Variants in PDE9A observed in about 807,000 individuals in gnomAD.
PDE9A encodes the protein phosphodiesterase 9A.
PDE9A carries 60 observed loss-of-function variants against 87.4 expected under a neutral mutation model. The ratio of observed to expected loss-of-function variants is 0.69; its 90% CI spans 0.56 to 0.85. The LOEUF (loss-of-function observed/expected upper bound fraction) is 0.85. Among genes scored for constraint, PDE9A ranks in the 40% least tolerant of loss-of-function variants. The pLI is 0.00. For synonymous variants in PDE9A, 272 were observed against 279.4 expected, an observed-to-expected ratio of 0.97 and a Z score of 0.27; for missense variants, 665 against 779.0, an observed-to-expected ratio of 0.85 and a Z score of 1.74.
intron 7 of PDE9A, among the ~76,000 whole-genome samples, chr21:42,742,784 G>T (rs954561118): frequency 6.6e-6 from 1 of 151,978 alleles, no homozygotes; most frequent in Non-Finnish European, 1.5e-5. Context: ...TTCTTGCACT[G>T]AGTCAGTTCC....
At chr21:42,762,008 G>T (rs2055833990) in intron 13 of PDE9A, 75 bp from the exon 14 acceptor site, 1 of 1,426,798 alleles carries the variant, frequency 7.0e-7, no homozygotes, top group Admixed American at 1.8e-5. Context: ...CACTTACATG[G>T]CTGGGTGTTG....
chr21:42,703,708 C>T (rs914663839), intron 4 of PDE9A, among the ~76,000 whole-genome samples: 1 of 152,108 alleles, frequency 6.6e-6, no homozygotes, highest in Non-Finnish European at 1.5e-5. Context: ...TGGAGGACTC[C>T]GGCAAAGGCT....
At chr21:42,758,904 TG>T in intron 10 of PDE9A, 94 bp from the exon 11 acceptor site, 1 of 921,962 alleles carries the variant, frequency 1.1e-6, no homozygotes, top group Non-Finnish European at 1.7e-6. Flanking sequence ...CCAACGGCCC[TG>T]CTGGCACTCC....
At chr21:42,766,904 C>T (rs1376392305) in intron 15 of PDE9A, among the ~76,000 whole-genome samples, 1 of 152,186 alleles carries the variant, frequency 6.6e-6, no homozygotes, top group East Asian at 1.9e-4. Context: ...GGGCAGGATG[C>T]CAGAGGATCG....
intron 3 of PDE9A, chr21:42,697,398 T>G: frequency 6.4e-7 from 1 of 1,570,160 alleles, no homozygotes; most frequent in Non-Finnish European, 8.8e-7. Context: ...CCATATTCAC[T>G]GTGTTTCTTC....
intron 1 of PDE9A, 86 bp downstream of exon 1, chr21:42,653,969 GT>G: frequency 1.4e-6 from 1 of 733,392 alleles, no homozygotes; most frequent in Non-Finnish European, 2.2e-6. Flanking sequence ...CTGTCCGTGC[GT>G]CTGCCGGTCC....
chr21:42,772,748 C>G (rs1407437594), intron 19 of PDE9A, among the ~76,000 whole-genome samples: 3 of 151,842 alleles, frequency 2.0e-5, no homozygotes, highest in African/African-American at 7.3e-5. Context: ...ATTCTCCTGC[C>G]TCAGCCCCCT....
chr21:42,717,848 T>C (rs2050099586), intron 4 of PDE9A, among the ~76,000 whole-genome samples: 1 of 151,832 alleles, frequency 6.6e-6, no homozygotes. Flanking sequence ...CTTAATTTGA[T>C]CATTATTCCT....
chr21:42,672,915 A>G (rs2058641927), intron 1 of PDE9A, among the ~76,000 whole-genome samples: 1 of 152,156 alleles, frequency 6.6e-6, no homozygotes, highest in African/African-American at 2.4e-5. Context: ...ACTCTATTGA[A>G]ACACCCAGAA....
intron 1 of PDE9A, among the ~76,000 whole-genome samples, chr21:42,671,156 T>C (rs187564214): frequency 6.6e-6 from 1 of 152,158 alleles, no homozygotes; most frequent in Non-Finnish European, 1.5e-5. Flanking sequence ...ATAACTCCGG[T>C]GCTGGGGAGG....
At chr21:42,691,155 T>C (rs1234062821) in intron 3 of PDE9A, among the ~76,000 whole-genome samples, 1 of 139,688 alleles carries the variant, frequency 7.2e-6, no homozygotes, top group South Asian at 2.3e-4. Flanking sequence ...CACCAGCCCC[T>C]TCACCATCAC....
intron 10 of PDE9A, 123 bp downstream of exon 10, chr21:42,754,187 A>G (rs1471188364): frequency 4.8e-6 from 2 of 418,542 alleles, no homozygotes; most frequent in Non-Finnish European, 4.0e-6. Context: ...TTAAAGACTG[A>G]AAAAAAAAAA....
Position 42,702,746 on chromosome 21 carries a change from C to T in PDE9A, c.262+3735C>T, listed in dbSNP as rs1210764941. Reference sequence around the variant, plus strand: ...AAGACTTGATCCCTTTGGGGTCTCCCCCAAACTCCTGGCTGATCACCAAAT... The same window carrying T: ...AAGACTTGATCCCTTTGGGGTCTCCTCCAAACTCCTGGCTGATCACCAAAT... On this transcript the variant is annotated intron_variant, in intron 4 of 19. Coordinates refer to ENST00000291539, the MANE Select transcript of PDE9A (RefSeq NM_002606.3). This position sits in a 1 kb window ranked among gnomAD's most constrained non-coding sequence, Gnocchi z 4.9. 6.6e-6 allele frequency among the ~76,000 whole-genome samples: 1 copy of T among 152,220 alleles called. No individual in the cohort carries two copies. The highest frequency in any genetic ancestry group is 1.5e-5 in the Non-Finnish European group (1 of 68,048).
chr21:42,666,051 AG>A (rs2057956034), intron 1 of PDE9A, among the ~76,000 whole-genome samples: 1 of 152,204 alleles, frequency 6.6e-6, no homozygotes. Context: ...AAGGGCCTTC[AG>A]GCCCTGACAT....
At chr21:42,773,870 C>G (rs1290328400) in intron 19 of PDE9A, among the ~76,000 whole-genome samples, 2 of 149,266 alleles carry the variant, frequency 1.3e-5, no homozygotes, top group Admixed American at 1.3e-4. Context: ...TTTGGGAGGC[C>G]AAGGTGGACG....
At position 42,769,296 on chromosome 21, in the gene PDE9A, CGCACATACAG is replaced by C. The variant is rs1023900046; in HGVS notation, c.1590+151_1590+160del. 1.4e-4 allele frequency: 103 copies of C among 744,336 alleles called. 1 individual carries two copies. The highest frequency in any genetic ancestry group is 3.8e-4 in the South Asian group (21 of 55,584). 46.1% of individuals were successfully genotyped at this position (744,336 alleles called of 1,614,324 possible). A position where few individuals can be genotyped will look rare whatever the true frequency, so the allele number is the denominator to read the frequency against. ...ACACACGTACACAGATACACACAGA[CGCACATACAG>C]GCACATACACATATACACACACGCA... On this transcript the variant is annotated intron_variant, in intron 17 of 19. Coordinates refer to ENST00000291539, the MANE Select transcript of PDE9A (RefSeq NM_002606.3).
At chr21:42,687,657 T>C (rs1404945512) in intron 2 of PDE9A, among the ~76,000 whole-genome samples, 1 of 152,216 alleles carries the variant, frequency 6.6e-6, no homozygotes, top group African/African-American at 2.4e-5. Flanking sequence ...CTCAATAAAG[T>C]AGACTTGCTC....
intron 4 of PDE9A, 47 bp from the exon 5 acceptor site, chr21:42,731,723 A>T (rs1424076002): frequency 1.3e-6 from 2 of 1,570,640 alleles, no homozygotes; most frequent in Non-Finnish European, 1.7e-6. Flanking sequence ...GGACACTAAG[A>T]GGAAACTTCC....
At chr21:42,700,387 AC>A (rs760692462) in intron 4 of PDE9A, among the ~76,000 whole-genome samples, 7 of 152,194 alleles carry the variant, frequency 4.6e-5, no homozygotes, top group Non-Finnish European at 1.0e-4. Flanking sequence ...TACCTATGAT[AC>A]CTATAACCTT....
Sources: allele counts gnomAD v4.1 joint callset (sites outside exome capture counted in the v4.1 genomes callset), GRCh38; gene constraint gnomAD v4.1.1; non-coding constraint Gnocchi (gnomAD v3.1); transcripts MANE v1.5; gene names NCBI Gene and HGNC (gene_info 2026-07-23, HGNC 2026-07-21).